The following PCBP3 variants were observed in gnomAD, a reference collection of about 807,000 sequenced individuals.
The protein encoded by PCBP3 is poly(rC) binding protein 3.
A neutral mutation model predicts 52.7 loss-of-function variants in PCBP3; 25 were observed. The observed-to-expected ratio is 0.47, with a 90% CI of 0.35 to 0.66. The LOEUF (loss-of-function observed/expected upper bound fraction) is 0.66, where lower values mean the gene tolerates loss of function less well. Ranked by LOEUF, PCBP3 falls within the 30% of genes least tolerant of loss-of-function variation. The probability of loss-of-function intolerance (pLI) is 0.01; values close to 1 mark genes in which losing one functional copy is unlikely to be tolerated. For synonymous variants in PCBP3, 162 were observed against 183.0 expected, an observed-to-expected ratio of 0.89 and a Z score of 0.93; for missense variants, 391 against 490.3, an observed-to-expected ratio of 0.80 and a Z score of 1.91.
chr21:45,816,800 AG>A (rs2092978410), intron 4 of PCBP3, among the ~76,000 whole-genome samples: 1 of 151,544 alleles, frequency 6.6e-6, no homozygotes, highest in Non-Finnish European at 1.5e-5. Context: ...AATATAGTAT[AG>A]TAAATACACA....
At chr21:45,778,191 T>C (rs2090389349) in intron 4 of PCBP3, among the ~76,000 whole-genome samples, 1 of 152,114 alleles carries the variant, frequency 6.6e-6, no homozygotes, top group African/African-American at 2.4e-5. Context: ...GTAAACAGCA[T>C]TGGTGGTGTC....
intron 4 of PCBP3, among the ~76,000 whole-genome samples, chr21:45,793,199 A>C (rs565909493): frequency 7.2e-5 from 11 of 152,226 alleles, no homozygotes; most frequent in South Asian, 2.1e-4. Context: ...GGGAGTGCCA[A>C]AGGCCTTGAA....
At chr21:45,937,072 A>G (rs531487500) in intron 16 of PCBP3, among the ~76,000 whole-genome samples, 15 of 152,218 alleles carry the variant, frequency 9.9e-5, no homozygotes, top group Non-Finnish European at 1.9e-4. Context: ...TGTTCCTCAC[A>G]TGGTGGCTGC....
At chr21:45,819,298 A>G (rs1303889323) in intron 4 of PCBP3, among the ~76,000 whole-genome samples, 1 of 152,244 alleles carries the variant, frequency 6.6e-6, no homozygotes, top group South Asian at 2.1e-4. Context: ...TCTAAAAAAT[A>G]AAACCTAAAC....
intron 4 of PCBP3, among the ~76,000 whole-genome samples, chr21:45,773,582 G>A (rs2090039063): frequency 6.6e-6 from 1 of 152,046 alleles, no homozygotes; most frequent in African/African-American, 2.4e-5. Context: ...TCTCTATTCT[G>A]CTCCAGTGAC....
Position 45,791,538 on chromosome 21 carries a change from C to T in PCBP3, c.-126+36086C>T, listed in dbSNP as rs539884228. Reference sequence around the variant, plus strand: ...CAGAGAGGAGACGATGGTCTCGCGGCGTGATCTGGGCTAGGGAAGGAGAGA... The same window carrying T: ...CAGAGAGGAGACGATGGTCTCGCGGTGTGATCTGGGCTAGGGAAGGAGAGA... On this transcript the variant is annotated intron_variant, in intron 4 of 17. Coordinates refer to ENST00000681687, the MANE Select transcript of PCBP3 (RefSeq NM_001384156.1). This position sits in a 1 kb window ranked among gnomAD's most constrained non-coding sequence, Gnocchi z 4.2. Among the ~76,000 whole-genome samples, 31 of 152,232 alleles carry T rather than the reference C, an allele frequency of 2.0e-4. No individual in the cohort carries two copies. The South Asian group carries it at 5.2e-3, about 25-fold the overall frequency.
intron 3 of PCBP3, among the ~76,000 whole-genome samples, chr21:45,742,988 T>C (rs1008371408): frequency 6.6e-6 from 1 of 152,234 alleles, no homozygotes; most frequent in African/African-American, 2.4e-5. Context: ...GGATCAGATC[T>C]ATAATTTAAA....
intron 2 of PCBP3, among the ~76,000 whole-genome samples, chr21:45,713,108 G>A (rs2838983): frequency 0.18 from 27,010 of 152,176 alleles, 2,533 homozygotes; most frequent in Middle Eastern, 0.33. Flanking sequence ...CTAGGACCAC[G>A]TGGGAATTTT....
At chr21:45,684,561 G>T (rs563083709) in intron 2 of PCBP3, among the ~76,000 whole-genome samples, 9 of 152,252 alleles carry the variant, frequency 5.9e-5, no homozygotes, top group African/African-American at 2.2e-4. Flanking sequence ...TAATTCACAT[G>T]ATAACTGTTT....
chr21:45,806,796 G>A (rs1435440795), intron 4 of PCBP3, among the ~76,000 whole-genome samples: 1 of 151,954 alleles, frequency 6.6e-6, no homozygotes, highest in African/African-American at 2.4e-5. Flanking sequence ...TTCCACTTCT[G>A]GTCCCCTCAC....
intron 4 of PCBP3, among the ~76,000 whole-genome samples, chr21:45,844,943 CTTTA>C (rs2093777535): frequency 1.3e-5 from 2 of 150,334 alleles, no homozygotes; most frequent in East Asian, 1.9e-4. Flanking sequence ...TATATATATG[CTTTA>C]TTTAAGGTTG....
At chr21:45,801,210 AG>A (rs1398711373) in intron 4 of PCBP3, among the ~76,000 whole-genome samples, 2 of 152,172 alleles carry the variant, frequency 1.3e-5, no homozygotes, top group Admixed American at 1.3e-4. Context: ...GGGTGTCATG[AG>A]GACCCTGGAG....
At chr21:45,909,968 A>G (rs1447141728) in intron 10 of PCBP3, among the ~76,000 whole-genome samples, 1 of 35,158 alleles carries the variant, frequency 2.8e-5, no homozygotes, top group African/African-American at 1.2e-4. Flanking sequence ...ACCCCCCCAC[A>G]CACACTTCCC....
rs530276668 is a variant in PCBP3, at chr21:45,941,423, T to C, written c.1080-247T>C. ...CCAGGGCTGTGTAGGGGGCTCCACA[T>C]GGGGAAGGCCTCAAGCCCCCATGCA... On this transcript the variant is annotated intron_variant, in intron 17 of 17. Transcript: ENST00000681687. Among the ~76,000 whole-genome samples, 3 of 152,224 alleles carry C rather than the reference T, an allele frequency of 2.0e-5. No homozygotes were observed. In the East Asian group the frequency reaches 5.8e-4, roughly 29 times the overall value.
intron 1 of PCBP3, among the ~76,000 whole-genome samples, chr21:45,662,907 T>C (rs1603187606): frequency 6.6e-6 from 1 of 151,322 alleles, no homozygotes; most frequent in South Asian, 2.1e-4. Flanking sequence ...GGAAAGGGAG[T>C]CTCCCTTTCC....
At chr21:45,909,906 G>C (rs1174164835) in intron 10 of PCBP3, among the ~76,000 whole-genome samples, 16 of 47,462 alleles carry the variant, frequency 3.4e-4, no homozygotes, top group Non-Finnish European at 4.1e-4. Context: ...ATACAGACCC[G>C]GCCCACCCAC....
intron 3 of PCBP3, chr21:45,749,430 G>C (rs2087213216): frequency 6.6e-6 from 1 of 152,172 alleles, no homozygotes; most frequent in Non-Finnish European, 1.5e-5. Context: ...GATGGCATTG[G>C]ACTTGGCACA....
At chr21:45,669,284 C>A (rs1308337553) in intron 2 of PCBP3, among the ~76,000 whole-genome samples, 2 of 152,056 alleles carry the variant, frequency 1.3e-5, no homozygotes, top group East Asian at 3.9e-4. Flanking sequence ...CTTTCTTCAG[C>A]AGCACTCAAT....
At chr21:45,818,034 A>T (rs1032510744) in intron 4 of PCBP3, among the ~76,000 whole-genome samples, 1 of 151,870 alleles carries the variant, frequency 6.6e-6, no homozygotes, top group Non-Finnish European at 1.5e-5. Flanking sequence ...TATTATTATT[A>T]TTTTTTGAGA....
Sources: gnomAD v4.1 joint callset for allele counts (sites outside exome capture counted in the v4.1 genomes callset) on GRCh38, gnomAD v4.1.1 for gene constraint, Gnocchi (gnomAD v3.1) non-coding constraint, MANE v1.5 for transcripts, NCBI Gene and HGNC (gene_info 2026-07-23, HGNC 2026-07-21) for gene names.